The following TUSC3 variants were observed in gnomAD, a reference collection of about 807,000 sequenced individuals.
TUSC3 encodes the protein tumor suppressor candidate 3.
TUSC3 carries 45 observed loss-of-function variants against 44.8 expected under a neutral mutation model. The ratio of observed to expected loss-of-function variants is 1.00; its 90% CI spans 0.79 to 1.29. The LOEUF (loss-of-function observed/expected upper bound fraction) is 1.29. TUSC3 is among the 50% of genes most tolerant of loss of function. The pLI is 0.00. For synonymous variants in TUSC3, 212 were observed against 152.9 expected (o/e 1.39, Z -2.85); for missense variants, 519 against 437.9 (o/e 1.19, Z -1.65).
At chr8:15,456,710 A>T (rs1456907123) in intron 1 of TUSC3, among the ~76,000 whole-genome samples, 1 of 152,212 alleles carries the variant, frequency 6.6e-6, no homozygotes, top group Non-Finnish European at 1.5e-5. Context: ...AGACAAAATC[A>T]GATTCCTATC....
chr8:15,460,021 G>A (rs149799569), intron 1 of TUSC3, among the ~76,000 whole-genome samples: 2,733 of 152,186 alleles, frequency 0.018, 87 homozygotes, highest in African/African-American at 0.062. Context: ...TCTTTTTCAT[G>A]TAATAACTTA....
intron 1 of TUSC3, among the ~76,000 whole-genome samples, chr8:15,426,165 C>T (rs1019966611): frequency 1.3e-5 from 2 of 152,126 alleles, no homozygotes; most frequent in Admixed American, 6.6e-5. Context: ...CATTTGTTAT[C>T]CCATCATCAC....
intron 2 of TUSC3, among the ~76,000 whole-genome samples, chr8:15,635,053 A>C (rs572152963): frequency 7.2e-4 from 109 of 151,610 alleles, no homozygotes; most frequent in African/African-American, 2.6e-3. Flanking sequence ...TGAATTTCCT[A>C]AGCCTTTTTT....
intron 1 of TUSC3, among the ~76,000 whole-genome samples, chr8:15,552,070 C>T (rs1448596048): frequency 1.3e-5 from 2 of 151,634 alleles, no homozygotes; most frequent in Admixed American, 6.6e-5. Context: ...GTAGACAAGC[C>T]TTATATGTTT....
chr8:15,849,776 C>T, the TUSC3 span, among the ~76,000 whole-genome samples: 1 of 150,678 alleles, frequency 6.6e-6, no homozygotes, highest in African/African-American at 2.4e-5. Flanking sequence ...TGAACTGTTC[C>T]GATTTTATGG....
chr8:15,677,187 A>G (rs568059497), intron 6 of TUSC3, among the ~76,000 whole-genome samples: 2 of 152,130 alleles, frequency 1.3e-5, no homozygotes, highest in South Asian at 4.2e-4. Context: ...TCCCCAAGAA[A>G]TAGGGTCTCA....
intron 2 of TUSC3, among the ~76,000 whole-genome samples, chr8:15,514,538 C>T (rs1053446315): frequency 1.3e-5 from 2 of 152,112 alleles, no homozygotes; most frequent in African/African-American, 2.4e-5. Flanking sequence ...ATGCTGAAAA[C>T]GGAACTCCGC....
intron 9 of TUSC3, 30 bp downstream of exon 9, chr8:15,748,495 T>C (rs1225558263): frequency 6.7e-7 from 1 of 1,502,816 alleles, no homozygotes; most frequent in Non-Finnish European, 9.3e-7. Flanking sequence ...ATGAATGTTT[T>C]TATTTTTAAC....
intron 6 of TUSC3, among the ~76,000 whole-genome samples, chr8:15,719,490 G>T (rs1038975519): frequency 4.7e-5 from 6 of 127,316 alleles, no homozygotes; most frequent in African/African-American, 2.0e-4. Flanking sequence ...ATAGTATACA[G>T]TTCATCACAC....
the TUSC3 span, among the ~76,000 whole-genome samples, chr8:15,827,992 A>G: frequency 6.2e-5 from 5 of 81,006 alleles, no homozygotes; most frequent in East Asian, 1.4e-3. Flanking sequence ...AGAATTTGGT[A>G]TCTTTTTTTT....
At chr8:15,512,785 A>AATCC (rs1303764918) in intron 2 of TUSC3, among the ~76,000 whole-genome samples, 3 of 148,478 alleles carry the variant, frequency 2.0e-5, no homozygotes, top group African/African-American at 5.0e-5. Flanking sequence ...TCAACCAATC[A>AATCC]ATCAATCAAT....
chr8:15,748,854 C>G (rs1811539191), intron 9 of TUSC3: 1 of 404,786 alleles, frequency 2.5e-6, no homozygotes, highest in Admixed American at 3.4e-5. Flanking sequence ...TTGAATTCTA[C>G]AAAATTTTAA....
intron 1 of TUSC3, among the ~76,000 whole-genome samples, chr8:15,569,483 A>G (rs1802792257): frequency 6.6e-6 from 1 of 152,190 alleles, no homozygotes; most frequent in Admixed American, 6.5e-5. Context: ...ATATATGTGT[A>G]ATTATCCTGA....
chr8:15,708,761 T>G (rs1443124351), intron 6 of TUSC3, among the ~76,000 whole-genome samples: 1 of 151,924 alleles, frequency 6.6e-6, no homozygotes, highest in Non-Finnish European at 1.5e-5. Context: ...ATGGCTTCTA[T>G]TTCAAGATCT....
intron 1 of TUSC3, among the ~76,000 whole-genome samples, chr8:15,439,506 G>A (rs145798221): frequency 3.9e-5 from 6 of 152,276 alleles, no homozygotes; most frequent in African/African-American, 1.2e-4. Context: ...GAAGTGAACC[G>A]TGGTTACACC....
chr8:15,633,771 A>G (rs1288831416), intron 2 of TUSC3, among the ~76,000 whole-genome samples: 2 of 152,182 alleles, frequency 1.3e-5, no homozygotes, highest in Non-Finnish European at 2.9e-5. Context: ...AAGAGGGAGC[A>G]TGGCCCTACT....
chr8:15,673,737 T>G lies in TUSC3; in HGVS notation c.709-10T>G. 1 of 1,606,472 alleles carries G rather than the reference T, an allele frequency of 6.2e-7. No individual in the cohort carries two copies. The highest frequency in any genetic ancestry group is 8.5e-7 in the Non-Finnish European group (1 of 1,173,492). ...GTTTACATATTGAAACACTGCACCC[T>G]GTTTTTCAGTGTATAGTCTTTGCTA... On this transcript the variant is annotated splice_polypyrimidine_tract_variant and intron_variant, in intron 5 of 10. Coordinates refer to ENST00000503731, the MANE Select transcript of TUSC3 (RefSeq NM_006765.4).
chr8:15,815,045 C>T, the TUSC3 span, among the ~76,000 whole-genome samples: 1 of 151,620 alleles, frequency 6.6e-6, no homozygotes, highest in Non-Finnish European at 1.5e-5. Flanking sequence ...ATATAAGTAA[C>T]GAGATATAAG....
the TUSC3 span, among the ~76,000 whole-genome samples, chr8:15,824,701 T>C: frequency 8.5e-5 from 13 of 152,140 alleles, no homozygotes; most frequent in African/African-American, 3.1e-4. Flanking sequence ...TGTACACATA[T>C]GTAACTAACC....
Sources: gnomAD v4.1 joint callset for allele counts (sites outside exome capture counted in the v4.1 genomes callset) on GRCh38, gnomAD v4.1.1 for gene constraint, MANE v1.5 for transcripts, NCBI Gene and HGNC (gene_info 2026-07-23, HGNC 2026-07-21) for gene names.